The following FNDC3A variants were observed in gnomAD, a reference collection of about 807,000 sequenced individuals.
FNDC3A encodes fibronectin type-III domain-containing protein 3A.
In FNDC3A, 32 loss-of-function variants were observed where a neutral mutation model predicts 148.9. That is an observed-to-expected ratio of 0.21 (90% CI 0.16 to 0.29). The LOEUF is 0.29. FNDC3A is among the 10% of genes least tolerant of loss of function. The pLI, the probability that FNDC3A is intolerant of heterozygous loss-of-function variation, is 1.00. For synonymous variants in FNDC3A, 472 were observed against 473.6 expected, an observed-to-expected ratio of 1.00 and a Z score of 0.04; for missense variants, 1,191 against 1,452.8, an observed-to-expected ratio of 0.82 and a Z score of 2.93.
chr13:49,119,045 C>T (rs560402938), intron 4 of FNDC3A, among the ~76,000 whole-genome samples: 98 of 152,310 alleles, frequency 6.4e-4, no homozygotes, highest in African/African-American at 2.0e-3. Context: ...CCCTAACCCC[C>T]GTGCCTCCTG....
intron 10 of FNDC3A, among the ~76,000 whole-genome samples, chr13:49,168,953 G>A (rs992348502): frequency 6.6e-6 from 1 of 152,114 alleles, no homozygotes; most frequent in South Asian, 2.1e-4. Context: ...TAGCAAAAAC[G>A]ATTTGTAATT....
intron 4 of FNDC3A, among the ~76,000 whole-genome samples, chr13:49,117,791 G>A (rs902768993): frequency 6.6e-6 from 1 of 152,164 alleles, no homozygotes; most frequent in African/African-American, 2.4e-5. Context: ...TCAGAGGCTT[G>A]AGCATTAGAA....
At chr13:49,085,375 A>G (rs973281670) in intron 3 of FNDC3A, among the ~76,000 whole-genome samples, 2 of 152,188 alleles carry the variant, frequency 1.3e-5, no homozygotes, top group African/African-American at 2.4e-5. Flanking sequence ...CCTTATGCCC[A>G]TAAGACATAA....
At chr13:49,093,115 G>C (rs1163898907) in intron 3 of FNDC3A, among the ~76,000 whole-genome samples, 1 of 152,120 alleles carries the variant, frequency 6.6e-6, no homozygotes. Context: ...ACATACAGTT[G>C]TGTAGGCCCA....
chr13:49,161,616 A>G (rs1458080698), intron 8 of FNDC3A, among the ~76,000 whole-genome samples: 1 of 152,090 alleles, frequency 6.6e-6, no homozygotes, highest in Non-Finnish European at 1.5e-5. Flanking sequence ...TTTAAAGTTA[A>G]TATTGTTATG....
upstream of FNDC3A, chr13:48,975,678 C>G (rs1266820827): frequency 6.6e-6 from 1 of 152,208 alleles, no homozygotes; most frequent in African/African-American, 2.4e-5. Context: ...GATGCTACCA[C>G]AAGCCAGGCG....
At chr13:49,111,618 C>A (rs1485066944) in intron 3 of FNDC3A, among the ~76,000 whole-genome samples, 1 of 151,250 alleles carries the variant, frequency 6.6e-6, no homozygotes, top group Admixed American at 6.6e-5. Context: ...CCCAGCTACT[C>A]GGGAGGCTGA....
chr13:49,004,493 G>A (rs35958738), intron 1 of FNDC3A, among the ~76,000 whole-genome samples: 2,706 of 152,008 alleles, frequency 0.018, 37 homozygotes, highest in Non-Finnish European at 0.031. Context: ...TAAGTGGAAT[G>A]GTAATATTGA....
At chr13:49,068,017 C>T (rs1273179275) in intron 2 of FNDC3A, among the ~76,000 whole-genome samples, 1 of 151,880 alleles carries the variant, frequency 6.6e-6, no homozygotes, top group Non-Finnish European at 1.5e-5. Context: ...AAGGAACATC[C>T]TTCAGTCTAC....
At chr13:49,188,392 A>G in intron 16 of FNDC3A, 123 bp from the exon 17 acceptor site, 3 of 665,316 alleles carry the variant, frequency 4.5e-6, no homozygotes, top group Non-Finnish European at 8.0e-6. Context: ...AAACAAACCT[A>G]AATTGTTTCT....
At position 49,208,808 on chromosome 13, in the gene FNDC3A, T is replaced by G. The variant is rs773105921; in HGVS notation, c.*1413T>G. The G allele has an allele frequency of 1.3e-5, 2 of 152,664 alleles. No homozygotes were observed. Among genetic ancestry groups the G allele is most frequent in the African/African-American group, 2.4e-5 (1 of 41,468 alleles). 9.5% of individuals were successfully genotyped at this position (152,664 alleles called of 1,614,324 possible). On this transcript the variant is annotated 3_prime_UTR_variant, in exon 26 of 26. Coordinates refer to ENST00000492622, the MANE Select transcript of FNDC3A (RefSeq NM_001079673.2). The stretch of plus-strand genomic sequence containing the variant: ...GAATTTTAGGATAGCGAATCACTAA[T>G]TTTTAGTTGCTGAGGTTGGCATTTT...
intron 4 of FNDC3A, among the ~76,000 whole-genome samples, chr13:49,117,300 G>A (rs146865819): frequency 1.0e-3 from 156 of 152,170 alleles, no homozygotes; most frequent in South Asian, 2.1e-3. Flanking sequence ...GGCTTTACAC[G>A]GTTCTGTCCT....
At chr13:49,123,779 A>G (rs1248647170) in intron 4 of FNDC3A, among the ~76,000 whole-genome samples, 1 of 152,252 alleles carries the variant, frequency 6.6e-6, no homozygotes, top group African/African-American at 2.4e-5. Flanking sequence ...AGAAATGCAA[A>G]TCAAAACCAC....
chr13:49,046,536 C>A, intron 2 of FNDC3A: 1 of 159,736 alleles, frequency 6.3e-6, no homozygotes. Flanking sequence ...CTTCAGTTAT[C>A]TTCTGCACAT....
At chr13:49,073,360 C>G (rs2137773260) in intron 2 of FNDC3A, among the ~76,000 whole-genome samples, 1 of 152,110 alleles carries the variant, frequency 6.6e-6, no homozygotes, top group Admixed American at 6.6e-5. Context: ...GAGCTGGTAA[C>G]AAACTTAGAC....
intron 2 of FNDC3A, among the ~76,000 whole-genome samples, chr13:49,054,208 G>C (rs1876061259): frequency 6.6e-6 from 1 of 152,176 alleles, no homozygotes; most frequent in Non-Finnish European, 1.5e-5. Flanking sequence ...AGGGCACTTA[G>C]AATTTTATTT....
chr13:49,006,073 A>T (rs1005524333), intron 1 of FNDC3A, 79 bp from the exon 2 acceptor site: 16 of 508,624 alleles, frequency 3.1e-5, no homozygotes, highest in Non-Finnish European at 4.5e-5. Context: ...AGGTTAAAGA[A>T]TGAAACATCT....
intron 10 of FNDC3A, among the ~76,000 whole-genome samples, chr13:49,169,838 A>G (rs1259242321): frequency 6.6e-6 from 1 of 152,228 alleles, no homozygotes; most frequent in African/African-American, 2.4e-5. Context: ...ATGTAAGTCA[A>G]GCAGCTGTGT....
chr13:48,995,117 G>A (rs574126105), intron 1 of FNDC3A, among the ~76,000 whole-genome samples: 52 of 152,228 alleles, frequency 3.4e-4, no homozygotes, highest in Admixed American at 6.5e-4. Context: ...AGGTCTCTAT[G>A]TTGCCCAGGC....
Sources: gnomAD v4.1 joint callset for allele counts (sites outside exome capture counted in the v4.1 genomes callset) on GRCh38, gnomAD v4.1.1 for gene constraint, MANE v1.5 for transcripts, NCBI Gene and HGNC (gene_info 2026-07-23, HGNC 2026-07-21) for gene names.